The following EYS variants were observed in gnomAD, a reference collection of about 807,000 sequenced individuals.
The protein encoded by EYS is protein eyes shut homolog.
EYS carries 250 observed loss-of-function variants against 282.1 expected under a neutral mutation model. The ratio of observed to expected loss-of-function variants is 0.89; its 90% confidence interval spans 0.80 to 0.98. The LOEUF is 0.98. Ranked by LOEUF, EYS falls within the 50% of genes least tolerant of loss-of-function variation. The pLI, the probability that EYS is intolerant of heterozygous loss-of-function variation, is 0.00. For synonymous variants in EYS, 1,355 were observed against 1,282.9 expected (o/e 1.06, Z -1.20); for missense variants, 4,016 against 3,709.0 (o/e 1.08, Z -2.15).
At chr6:63,892,483 G>A (rs556778707) in intron 35 of EYS, among the ~76,000 whole-genome samples, 1 of 152,256 alleles carries the variant, frequency 6.6e-6, no homozygotes, top group African/African-American at 2.4e-5. Context: ...ATGGGGAAAG[G>A]ATTCCTTATT....
chr6:65,113,102 T>C (rs1293299736), intron 12 of EYS, among the ~76,000 whole-genome samples: 1 of 152,108 alleles, frequency 6.6e-6, no homozygotes, highest in African/African-American at 2.4e-5. Flanking sequence ...GCAAACCTCC[T>C]TTTAGTTGTG....
intron 26 of EYS, among the ~76,000 whole-genome samples, chr6:64,469,764 C>T (rs1281186478): frequency 6.6e-6 from 1 of 152,022 alleles, no homozygotes; most frequent in African/African-American, 2.4e-5. Flanking sequence ...TTGTGGAGGG[C>T]CTGACATTAG....
chr6:65,317,825 C>CCTTCCTTCCTTTCTTT (rs1562092985), intron 11 of EYS, among the ~76,000 whole-genome samples: 40 of 81,220 alleles, frequency 4.9e-4, no homozygotes, highest in Non-Finnish European at 6.0e-4. Flanking sequence ...TTCCTTCCTT[C>CCTTCCTTCCTTTCTTT]CTTTCTTTCT....
chr6:63,773,757 T>C (rs1769992122), intron 40 of EYS, among the ~76,000 whole-genome samples: 1 of 152,150 alleles, frequency 6.6e-6, no homozygotes, highest in African/African-American at 2.4e-5. Context: ...GAATTAAGCA[T>C]TGTTGGACAA....
At chr6:64,506,881 C>T (rs535752321) in intron 26 of EYS, among the ~76,000 whole-genome samples, 132 of 127,688 alleles carry the variant, frequency 1.0e-3, no homozygotes, top group African/African-American at 3.9e-3. Context: ...TGCACTCCAA[C>T]CTGGGCGATA....
chr6:64,932,233 T>A (rs537609709), intron 15 of EYS, among the ~76,000 whole-genome samples: 1 of 151,934 alleles, frequency 6.6e-6, no homozygotes, highest in African/African-American at 2.4e-5. Context: ...TAATAGCCAG[T>A]GGAGGGGGAG....
intron 12 of EYS, among the ~76,000 whole-genome samples, chr6:65,251,189 TA>T (rs1401115013): frequency 6.6e-6 from 1 of 150,448 alleles, no homozygotes; most frequent in East Asian, 1.9e-4. Context: ...ATTTAATAAA[TA>T]AAGACAAAAT....
At chr6:64,379,776 A>G (rs1472204952) in intron 29 of EYS, 1 of 152,176 alleles carries the variant, frequency 6.6e-6, no homozygotes, top group Non-Finnish European at 1.5e-5. Context: ...TGTCTGTGCA[A>G]TTTATATGCT....
intron 31 of EYS, among the ~76,000 whole-genome samples, chr6:64,101,094 G>T (rs1241267104): frequency 6.6e-6 from 1 of 152,212 alleles, no homozygotes; most frequent in Non-Finnish European, 1.5e-5. Context: ...ATTCCTCTCA[G>T]TTTTTTGGCT....
intron 28 of EYS, among the ~76,000 whole-genome samples, chr6:64,406,402 G>A (rs895757159): frequency 2.6e-5 from 4 of 152,164 alleles, no homozygotes; most frequent in Non-Finnish European, 4.4e-5. Flanking sequence ...ATAGGCATGG[G>A]CAAAGACTTC....
At chr6:64,843,056 T>A (rs1247319337) in intron 19 of EYS, among the ~76,000 whole-genome samples, 1 of 151,824 alleles carries the variant, frequency 6.6e-6, no homozygotes, top group Non-Finnish European at 1.5e-5. Context: ...AAGGAAAAAA[T>A]GGTTTCATGG....
chr6:65,439,876 ATCTT>A (rs1057012491), intron 5 of EYS, among the ~76,000 whole-genome samples: 7 of 152,096 alleles, frequency 4.6e-5, no homozygotes, highest in Non-Finnish European at 1.0e-4. Context: ...TAATGGATCT[ATCTT>A]TAAACAGCAG....
chr6:65,567,979 T>C (rs1430731775), intron 2 of EYS, among the ~76,000 whole-genome samples: 1 of 152,212 alleles, frequency 6.6e-6, no homozygotes, highest in South Asian at 2.1e-4. Flanking sequence ...TCTCCATGTA[T>C]CTCCCACAGA....
intron 31 of EYS, among the ~76,000 whole-genome samples, chr6:64,121,855 C>T (rs1296343938): frequency 2.0e-5 from 3 of 152,130 alleles, no homozygotes; most frequent in Non-Finnish European, 4.4e-5. Flanking sequence ...GCTGATATCC[C>T]AGTACCCATC....
chr6:64,243,828 G>T lies in EYS; in HGVS notation c.6192-13004C>A, dbSNP rs540099444. Among the ~76,000 whole-genome samples the T allele has an allele frequency of 4.3e-4, 65 of 152,256 alleles. 1 individual carries two copies. The highest frequency in any genetic ancestry group is 3.5e-3 in the South Asian group (17 of 4,832). On this transcript the variant is annotated intron_variant, in intron 30 of 42. Coordinates refer to ENST00000503581, the MANE Select transcript of EYS (RefSeq NM_001142800.2). Reference sequence around the variant, plus strand: ...ATGTAACTCAGGAATTTTAATGAGAGAAGTTTTTACTGAAGATGAATCACA... The same window carrying T: ...ATGTAACTCAGGAATTTTAATGAGATAAGTTTTTACTGAAGATGAATCACA...
chr6:65,303,343 C>G, intron 11 of EYS: 1 of 800,440 alleles, frequency 1.2e-6, no homozygotes, highest in Non-Finnish European at 2.3e-6. Flanking sequence ...GAGAAGAACC[C>G]TTGGTTAGAT....
intron 31 of EYS, among the ~76,000 whole-genome samples, chr6:64,175,017 C>A (rs1262198219): frequency 6.6e-6 from 1 of 151,944 alleles, no homozygotes; most frequent in Non-Finnish European, 1.5e-5. Context: ...TTACTGAGGG[C>A]TTTTTGATGT....
intron 5 of EYS, among the ~76,000 whole-genome samples, chr6:65,434,653 G>C (rs898781527): frequency 6.6e-6 from 1 of 152,006 alleles, no homozygotes; most frequent in Non-Finnish European, 1.5e-5. Flanking sequence ...TTTTAAAATT[G>C]TCACTTCAAC....
chr6:64,079,864 C>T (rs977757580), intron 32 of EYS, among the ~76,000 whole-genome samples: 3 of 152,136 alleles, frequency 2.0e-5, no homozygotes, highest in Non-Finnish European at 4.4e-5. Flanking sequence ...GGATGGTTTC[C>T]AGCTTCATCC....
Sources: gnomAD v4.1 joint callset for allele counts (sites outside exome capture counted in the v4.1 genomes callset) on GRCh38, gnomAD v4.1.1 for gene constraint, MANE v1.5 for transcripts, NCBI Gene and HGNC (gene_info 2026-07-23, HGNC 2026-07-21) for gene names.